Variants in AMDHD2 observed in about 807,000 individuals in gnomAD.
The protein encoded by AMDHD2 is N-acetylglucosamine-6-phosphate deacetylase.
Under a neutral mutation model 41.8 loss-of-function variants are expected in AMDHD2, and 24 were observed. That is an observed-to-expected ratio of 0.57 (90% CI 0.42 to 0.81). The LOEUF (loss-of-function observed/expected upper bound fraction) is 0.81, where lower values mean the gene tolerates loss of function less well. AMDHD2 is among the 30% of genes least tolerant of loss of function. The pLI is 0.00. For synonymous variants in AMDHD2, 332 were observed against 255.5 expected (o/e 1.30, Z -2.85); for missense variants, 540 against 588.5 (o/e 0.92, Z 0.85).
At chr16:2,526,278 G>C (rs2066002829) in intron 3 of AMDHD2, among the ~76,000 whole-genome samples, 2 of 152,152 alleles carry the variant, frequency 1.3e-5, no homozygotes, top group African/African-American at 4.8e-5. Context: ...CTTTCTCTTG[G>C]GCTGGCTGGG....
At chr16:2,528,412 G>A (rs770598916) in intron 7 of AMDHD2, 32 bp downstream of exon 7, 3 of 1,612,840 alleles carry the variant, frequency 1.9e-6, no homozygotes, top group South Asian at 2.2e-5. Context: ...GGACAGGTAG[G>A]ATGACTGGGC....
At position 2,526,695 on chromosome 16, in the gene AMDHD2, T is replaced by C. The variant is rs183918465; in HGVS notation, c.361-866T>C. On this transcript the variant is annotated intron_variant, in intron 3 of 10. Transcript: ENST00000293971. ...GCTCACGCCTGTAATCCCAGCACTT[T>C]GGGAGACTAAGGTGGGTGTTTGGTC... Among the ~76,000 whole-genome samples the C allele has an allele frequency of 2.1e-4, 32 of 152,088 alleles. No homozygotes were observed. The East Asian group carries it at 3.7e-3, about 17-fold the overall frequency.
rs1480952950 is a variant in AMDHD2, at chr16:2,527,317, C to T, written c.361-244C>T. Among the ~76,000 whole-genome samples, 1 of 152,176 alleles carries T rather than the reference C, an allele frequency of 6.6e-6. No homozygotes were observed. The highest frequency in any genetic ancestry group is 1.5e-5 in the Non-Finnish European group (1 of 68,020). The stretch of plus-strand genomic sequence containing the variant: ...TGCCCAGGGCCACCCTCAGTGCCCA[C>T]AAGCCTGCCCACATGGCCAGGGACC... On this transcript the variant is annotated intron_variant, in intron 3 of 10. Transcript: ENST00000293971. This position sits in a 1 kb window ranked among gnomAD's most constrained non-coding sequence, Gnocchi z 6.1.
At chr16:2,528,794 G>A (rs913955767) in intron 9 of AMDHD2, 76 bp downstream of exon 9, 5 of 1,587,968 alleles carry the variant, frequency 3.1e-6, no homozygotes, top group Non-Finnish European at 3.4e-6. Flanking sequence ...CGGGTGCCCG[G>A]ACTGTAGCCC....
rs528338475 is a variant in AMDHD2 at position 2,522,382 on chromosome 16, T to C, written c.360+1259T>C. ...ACGGGCTTGTGCCACCACACCCGACTAATTTAAAAAGCTTTTTCGGCCGGG... is the reference window on the plus strand; with the variant it reads ...ACGGGCTTGTGCCACCACACCCGACCAATTTAAAAAGCTTTTTCGGCCGGG... On this transcript the variant is annotated intron_variant, in intron 3 of 10. Coordinates refer to ENST00000293971, the MANE Select transcript of AMDHD2 (RefSeq NM_001330449.2). 9.2e-5 allele frequency among the ~76,000 whole-genome samples: 14 copies of C among 152,184 alleles called. No homozygotes were observed. The East Asian group carries it at 2.7e-3, about 30-fold the overall frequency.
Position 2,528,546 on chromosome 16 carries a change from G to A in AMDHD2, c.957G>A (p.Thr319=), listed in dbSNP as rs143532194. 3.1e-6 allele frequency: 5 copies of A among 1,612,516 alleles called. No homozygotes were observed. Among genetic ancestry groups the A allele is most frequent in the East Asian group, 4.5e-5 (2 of 44,884 alleles). ...GQQEVEVDGL[T]AYVAGTKTLS... ...AGGAAGTGGAAGTGGACGGTCTGACGGCCTACGTGGCAGGTGAGCGCCCTG... is the reference window on the plus strand; with the variant it reads ...AGGAAGTGGAAGTGGACGGTCTGACAGCCTACGTGGCAGGTGAGCGCCCTG... Residue 319 remains threonine (T), a synonymous_variant, in exon 8 of 11, where the codon ACG becomes ACA. Coordinates refer to ENST00000293971, the MANE Select transcript of AMDHD2 (RefSeq NM_001330449.2).
At position 2,527,549 on chromosome 16, in the gene AMDHD2, G is replaced by A; in HGVS notation, c.361-12G>A. Reference sequence around the variant, plus strand: ...TGTGGGGGACAGGGCTTTAACAGCTGGTTCCCCCCAGGTTGTTCCTCAGAT... The same window carrying A: ...TGTGGGGGACAGGGCTTTAACAGCTAGTTCCCCCCAGGTTGTTCCTCAGAT... On this transcript the variant is annotated splice_polypyrimidine_tract_variant and intron_variant, in intron 3 of 10. Coordinates refer to ENST00000293971, the MANE Select transcript of AMDHD2 (RefSeq NM_001330449.2). The surrounding 1 kb of genome is among the most constrained non-coding windows in gnomAD (Gnocchi z 6.1). The A allele has an allele frequency of 1.9e-6, 3 of 1,611,160 alleles. No homozygotes were observed. Among genetic ancestry groups the A allele is most frequent in the Non-Finnish European group, 2.5e-6 (3 of 1,178,906 alleles).
chr16:2,521,017 A>G lies in AMDHD2; in HGVS notation c.254A>G (p.Glu85Gly). The change falls in exon 3 of 11, where the codon GAG becomes GGG. Residue 85 changes from glutamate to glycine, a missense_variant. Transcript: ENST00000293971. ...GFGVDFSQAT[E>G]DVGSGVALVA... ...GGTGTTGACTTCTCTCAAGCCACGGAGGACGTGGGTTCGGGGGTTGCCCTC... is the reference window on the plus strand; with the variant it reads ...GGTGTTGACTTCTCTCAAGCCACGGGGGACGTGGGTTCGGGGGTTGCCCTC... 6.2e-7 allele frequency: 1 copy of G among 1,610,364 alleles called. No individual in the cohort carries two copies. The highest frequency in any genetic ancestry group is 8.5e-7 in the Non-Finnish European group (1 of 1,177,826).
intron 10 of AMDHD2, 112 bp from the exon 11 acceptor site, chr16:2,529,363 T>C: frequency 6.6e-7 from 1 of 1,514,582 alleles, no homozygotes; most frequent in Admixed American, 1.7e-5. Flanking sequence ...CTTGCACTAG[T>C]CGTGTCCCTG....
chr16:2,526,099 G>A (rs1323875939), intron 3 of AMDHD2, among the ~76,000 whole-genome samples: 3 of 152,144 alleles, frequency 2.0e-5, no homozygotes, highest in Non-Finnish European at 2.9e-5. Flanking sequence ...CTGCTTCCCT[G>A]CCTGGCCCTG....
chr16:2,528,440 C>T lies in AMDHD2; in HGVS notation c.863-12C>T. ...GACTGGGCTAGCAGGTTCTGAGCCT[C>T]TTCTCCCCCAGGGCTGGTGCTGGTC... is the stretch of plus-strand genomic sequence containing the variant. On this transcript the variant is annotated splice_polypyrimidine_tract_variant and intron_variant, in intron 7 of 10. Transcript: ENST00000293971. The T allele has an allele frequency of 1.2e-6, 2 of 1,612,872 alleles. No homozygotes were observed. The highest frequency in any genetic ancestry group is 2.2e-5 in the South Asian group (2 of 91,086).
chr16:2,525,336 G>T (rs906204703), intron 3 of AMDHD2, among the ~76,000 whole-genome samples: 8 of 150,018 alleles, frequency 5.3e-5, no homozygotes, highest in Non-Finnish European at 1.2e-4. Flanking sequence ...GGGATTACAT[G>T]TGTGAGTCAC....
intron 7 of AMDHD2, 28 bp from the exon 8 acceptor site, chr16:2,528,424 A>T: frequency 6.2e-7 from 1 of 1,612,766 alleles, no homozygotes; most frequent in Non-Finnish European, 8.5e-7. Flanking sequence ...TGACTGGGCT[A>T]GCAGGTTCTG....
rs2065917929 is a variant in AMDHD2, at chr16:2,520,521, G to C, written c.63G>C (p.Leu21=). Residue 21 remains leucine (L), a synonymous_variant, in exon 1 of 11, where the codon CTG becomes CTC. Transcript: ENST00000293971. The part of the protein sequence containing the change: ...RVLQFTNCRI[L]RGGKLLREDL... Reference sequence around the variant, plus strand: ...TCCAGTTCACTAACTGCCGGATCCTGCGCGGAGGGAAACTGCTCAGGTGGG... The same window carrying C: ...TCCAGTTCACTAACTGCCGGATCCTCCGCGGAGGGAAACTGCTCAGGTGGG... 38 of 1,238,866 alleles carry C rather than the reference G, an allele frequency of 3.1e-5. 1 individual carries two copies. Among genetic ancestry groups the C allele is most frequent in the Admixed American group, 4.2e-5 (1 of 24,070 alleles). 76.7% of individuals were successfully genotyped at this position (1,238,866 alleles called of 1,614,324 possible). A position where few individuals can be genotyped will look rare whatever the true frequency, so the allele number is the denominator to read the frequency against.
rs774253322 is a variant in AMDHD2 at position 2,530,262 on chromosome 16, G to C, written c.*699G>C. On this transcript the variant is annotated 3_prime_UTR_variant, in exon 11 of 11. Transcript: ENST00000293971. The stretch of plus-strand genomic sequence containing the variant: ...ATCTCTTCACACATCCCCAGGCCCA[G>C]TGCTTGCCGGCTGTGGTGACCCTGC... 4 of 1,611,048 alleles carry C rather than the reference G, an allele frequency of 2.5e-6. No homozygotes were observed. The South Asian group carries it at 4.4e-5, about 18-fold the overall frequency.
At chr16:2,524,867 G>GT (rs1272716769) in intron 3 of AMDHD2, among the ~76,000 whole-genome samples, 10 of 151,892 alleles carry the variant, frequency 6.6e-5, no homozygotes, top group African/African-American at 1.9e-4. Context: ...ATCTTTCCTG[G>GT]TAGTTCCCCA....
chr16:2,520,981 C>T lies in AMDHD2; in HGVS notation c.221-3C>T, dbSNP rs564989902. 136 of 1,599,228 alleles carry T rather than the reference C, an allele frequency of 8.5e-5. 2 individuals carry two copies. In the South Asian group the frequency reaches 1.4e-3, roughly 16 times the overall value. The stretch of plus-strand genomic sequence containing the variant: ...TGCGACACTTCCTTTTCTGTGGCTG[C>T]AGGTGGATTTGGTGTTGACTTCTCT... On this transcript the variant is annotated splice_polypyrimidine_tract_variant and splice_region_variant and intron_variant, in intron 2 of 10. Coordinates refer to ENST00000293971, the MANE Select transcript of AMDHD2 (RefSeq NM_001330449.2).
Position 2,530,983 on chromosome 16 carries a change from G to T in AMDHD2, c.*1420G>T. 1 of 1,613,322 alleles carries T rather than the reference G, an allele frequency of 6.2e-7. No homozygotes were observed. Among genetic ancestry groups the T allele is most frequent in the Non-Finnish European group, 8.5e-7 (1 of 1,179,836 alleles). Reference sequence around the variant, plus strand: ...GCTGTCTTGCCAGGGCTCCCAGGCAGGGAGAGGCAGGTGAGGTTCTCAGCC... The same window carrying T: ...GCTGTCTTGCCAGGGCTCCCAGGCATGGAGAGGCAGGTGAGGTTCTCAGCC... On this transcript the variant is annotated 3_prime_UTR_variant, in exon 11 of 11. Coordinates refer to ENST00000293971, the MANE Select transcript of AMDHD2 (RefSeq NM_001330449.2).
intron 3 of AMDHD2, 111 bp downstream of exon 3, chr16:2,521,234 A>T: frequency 7.5e-7 from 1 of 1,325,090 alleles, no homozygotes; most frequent in Non-Finnish European, 9.8e-7. Flanking sequence ...CATGGTCCTG[A>T]GTCTGGCCTC....
Sources: allele counts gnomAD v4.1 joint callset (sites outside exome capture counted in the v4.1 genomes callset), GRCh38; gene constraint gnomAD v4.1.1; non-coding constraint Gnocchi (gnomAD v3.1); transcripts MANE v1.5; gene names NCBI Gene and HGNC (gene_info 2026-07-23, HGNC 2026-07-21).